Variants in GPC5 observed in about 807,000 individuals in gnomAD.
GPC5 encodes glypican-5.
Under a neutral mutation model 53.9 loss-of-function variants are expected in GPC5, and 47 were observed. The observed-to-expected ratio is 0.87, with a 90% confidence interval of 0.69 to 1.11. The LOEUF (loss-of-function observed/expected upper bound fraction) is 1.11. Ranked by LOEUF, GPC5 falls within the 50% of genes most tolerant of loss-of-function variation. GPC5 has a pLI of 0.00. For synonymous variants in GPC5, 286 were observed against 263.3 expected, an observed-to-expected ratio of 1.09 and a Z score of -0.84; for missense variants, 748 against 713.1, an observed-to-expected ratio of 1.05 and a Z score of -0.56.
At chr13:91,914,514 A>G (rs1277731095) in intron 6 of GPC5, among the ~76,000 whole-genome samples, 2 of 151,960 alleles carry the variant, frequency 1.3e-5, no homozygotes, top group Non-Finnish European at 2.9e-5. Flanking sequence ...AATCATAACC[A>G]TTGCTTAAAT....
At chr13:91,782,463 A>G (rs2037813132) in intron 5 of GPC5, among the ~76,000 whole-genome samples, 1 of 152,150 alleles carries the variant, frequency 6.6e-6, no homozygotes, top group Non-Finnish European at 1.5e-5. Context: ...CAGGAAAGAG[A>G]GAGAAGAGCA....
At chr13:92,561,768 GGTTTGGA>G (rs939277566) in intron 7 of GPC5, among the ~76,000 whole-genome samples, 3 of 152,000 alleles carry the variant, frequency 2.0e-5, no homozygotes, top group African/African-American at 7.2e-5. Flanking sequence ...GAAAAGAGAA[GGTTTGGA>G]GTTTCTATGG....
Position 92,469,187 on chromosome 13 carries a change from A to G in GPC5, c.1561+324198A>G, listed in dbSNP as rs118033342. On this transcript the variant is annotated intron_variant, in intron 7 of 7. Transcript: ENST00000377067. ...TTAAAACATCCAAGTAGGTTATCTTAAGGTCTCCTTCCTCTCTAATTTTTT... is the reference window on the plus strand; with the variant it reads ...TTAAAACATCCAAGTAGGTTATCTTGAGGTCTCCTTCCTCTCTAATTTTTT... Among the ~76,000 whole-genome samples the G allele has an allele frequency of 2.2e-3, 329 of 152,118 alleles. 1 individual carries two copies. Among genetic ancestry groups the G allele is most frequent in the Admixed American group, 5.9e-3 (90 of 15,242 alleles).
intron 7 of GPC5, among the ~76,000 whole-genome samples, chr13:92,420,145 G>T (rs1476492616): frequency 6.6e-6 from 1 of 152,050 alleles, no homozygotes; most frequent in Admixed American, 6.6e-5. Flanking sequence ...AGTTTTTCTA[G>T]ATATATATGG....
chr13:91,597,500 C>T (rs1042372626), intron 2 of GPC5, among the ~76,000 whole-genome samples: 1 of 152,102 alleles, frequency 6.6e-6, no homozygotes, highest in Admixed American at 6.5e-5. Context: ...TTTATGTCAG[C>T]ACCTCAACTC....
chr13:92,177,779 A>G (rs2042119026), intron 7 of GPC5, among the ~76,000 whole-genome samples: 1 of 152,226 alleles, frequency 6.6e-6, no homozygotes, highest in Admixed American at 6.5e-5. Context: ...CCTTGAGAAG[A>G]CTAGTGACAG....
chr13:92,511,983 C>T (rs922634474), intron 7 of GPC5, among the ~76,000 whole-genome samples: 10 of 151,998 alleles, frequency 6.6e-5, no homozygotes, highest in South Asian at 2.1e-4. Flanking sequence ...CTGGGTGTCC[C>T]GATTTCTAGT....
At chr13:91,498,052 C>T (rs1483892660) in intron 2 of GPC5, among the ~76,000 whole-genome samples, 2 of 151,796 alleles carry the variant, frequency 1.3e-5, no homozygotes, top group Non-Finnish European at 2.9e-5. Context: ...ATATTCAAAC[C>T]TCTTACCGTG....
chr13:92,866,081 G>T (rs776453105), intron 7 of GPC5, among the ~76,000 whole-genome samples: 1 of 152,100 alleles, frequency 6.6e-6, no homozygotes, highest in Non-Finnish European at 1.5e-5. Context: ...TAATATTTGA[G>T]AATTTTCACA....
At chr13:92,485,249 G>A (rs1429072786) in intron 7 of GPC5, among the ~76,000 whole-genome samples, 2 of 152,156 alleles carry the variant, frequency 1.3e-5, no homozygotes, top group African/African-American at 4.8e-5. Context: ...ATATATGAGT[G>A]ATGTAACCTT....
At chr13:92,117,311 T>C (rs2138937691) in intron 6 of GPC5, among the ~76,000 whole-genome samples, 1 of 152,318 alleles carries the variant, frequency 6.6e-6, no homozygotes, top group South Asian at 2.1e-4. Flanking sequence ...TGTAATTTTA[T>C]TTCTGAATTT....
At chr13:91,849,420 T>C (rs538627632) in intron 5 of GPC5, among the ~76,000 whole-genome samples, 2 of 152,340 alleles carry the variant, frequency 1.3e-5, no homozygotes, top group South Asian at 4.1e-4. Context: ...CGTGGTTTAA[T>C]AGCTCTATGA....
chr13:92,234,367 G>A (rs1199065917), intron 7 of GPC5, among the ~76,000 whole-genome samples: 5 of 152,110 alleles, frequency 3.3e-5, no homozygotes, highest in Admixed American at 6.5e-5. Flanking sequence ...GGTGTGAGAT[G>A]GTATCTCATT....
At chr13:92,827,912 A>G (rs1877906969) in intron 7 of GPC5, among the ~76,000 whole-genome samples, 1 of 152,104 alleles carries the variant, frequency 6.6e-6, no homozygotes, top group East Asian at 1.9e-4. Flanking sequence ...TCCACCAAAC[A>G]TTTCCAGATG....
At chr13:92,167,936 G>A (rs534808518) in intron 7 of GPC5, among the ~76,000 whole-genome samples, 3 of 152,024 alleles carry the variant, frequency 2.0e-5, no homozygotes, top group Admixed American at 6.6e-5. Flanking sequence ...GTGACACATC[G>A]TTAGATCCAA....
At position 92,482,510 on chromosome 13, in the gene GPC5, A is replaced by G. The variant is rs559260752; in HGVS notation, c.1561+337521A>G. Among the ~76,000 whole-genome samples, 123 of 152,322 alleles carry G rather than the reference A, an allele frequency of 8.1e-4. No homozygotes were observed. The South Asian group carries it at 0.022, about 27-fold the overall frequency. On this transcript the variant is annotated intron_variant, in intron 7 of 7. Transcript: ENST00000377067. ...TTAAGTGACTTACCTCTTTTGCAGC[A>G]TTGCTTGTAGAGTAAAAGATTCTTT...
chr13:91,453,687 A>T (rs1881342028), intron 2 of GPC5, among the ~76,000 whole-genome samples: 2 of 151,458 alleles, frequency 1.3e-5, no homozygotes, highest in Admixed American at 1.3e-4. Flanking sequence ...AGCAAATGTA[A>T]GTAAATTAAC....
intron 7 of GPC5, among the ~76,000 whole-genome samples, chr13:92,159,733 G>A (rs2041973069): frequency 6.7e-6 from 1 of 149,784 alleles, no homozygotes; most frequent in Non-Finnish European, 1.5e-5. Flanking sequence ...CTCCCGAGTA[G>A]CTGGGACTAC....
chr13:91,887,016 C>T (rs2039330635), intron 5 of GPC5, among the ~76,000 whole-genome samples: 1 of 152,104 alleles, frequency 6.6e-6, no homozygotes, highest in Admixed American at 6.6e-5. Flanking sequence ...GGGACAGAGC[C>T]CACATTTCCC....
Sources: allele counts gnomAD v4.1 joint callset (sites outside exome capture counted in the v4.1 genomes callset), GRCh38; gene constraint gnomAD v4.1.1; transcripts MANE v1.5; gene names NCBI Gene and HGNC (gene_info 2026-07-23, HGNC 2026-07-21).